Variants in RIOX2 observed in about 807,000 individuals in gnomAD.
RIOX2 encodes the protein ribosomal oxygenase 2.
In RIOX2, 43 loss-of-function variants were observed where a neutral mutation model predicts 51.2. That is an observed-to-expected ratio of 0.84 (90% CI 0.66 to 1.08). The LOEUF is 1.08. Among genes scored for constraint, RIOX2 ranks in the 50% least tolerant of loss-of-function variants. RIOX2 has a pLI of 0.00. For missense variants in RIOX2, 566 were observed against 561.7 expected, an observed-to-expected ratio of 1.01 and a Z score of -0.08; for synonymous variants, 226 against 218.5, an observed-to-expected ratio of 1.03 and a Z score of -0.30.
At chr3:97,964,557 A>G (rs1445064057) in intron 2 of RIOX2, among the ~76,000 whole-genome samples, 2 of 151,778 alleles carry the variant, frequency 1.3e-5, no homozygotes, top group Non-Finnish European at 2.9e-5. Flanking sequence ...TTAGCCGGGC[A>G]TAGTGGCATG....
rs368703623 is a variant in RIOX2, at chr3:97,964,191, C to T, written c.433-2483G>A. ...TCTCCACTGACCTACCCGTCAGAAT[C>T]AAAACTCAACGCCATGGCTAAAATA... is the stretch of plus-strand genomic sequence containing the variant. On this transcript the variant is annotated intron_variant, in intron 2 of 9. Coordinates refer to ENST00000394198, the MANE Select transcript of RIOX2 (RefSeq NM_153182.4). Among the ~76,000 whole-genome samples, 3 of 152,282 alleles carry T rather than the reference C, an allele frequency of 2.0e-5. No individual in the cohort carries two copies. In the East Asian group the frequency reaches 5.8e-4, roughly 29 times the overall value.
intron 3 of RIOX2, among the ~76,000 whole-genome samples, chr3:97,960,899 TTCAG>T (rs1421447190): frequency 1.3e-5 from 2 of 152,224 alleles, no homozygotes; most frequent in African/African-American, 2.4e-5. Flanking sequence ...TTATTCTTTA[TTCAG>T]TCAAAGATAT....
At position 97,942,151 on chromosome 3, in the gene RIOX2, A is replaced by G. The variant is rs1559751198; in HGVS notation, c.*3033T>C. 4.6e-6 allele frequency: 3 copies of G among 659,336 alleles called. No homozygotes were observed. The highest frequency in any genetic ancestry group is 6.8e-5 in the Admixed American group (2 of 29,420). 40.8% of individuals were successfully genotyped at this position (659,336 alleles called of 1,614,324 possible). On this transcript the variant is annotated 3_prime_UTR_variant, in exon 10 of 10. Transcript: ENST00000394198. ...AAAAAAGGCTTACTGAAATTATACT[A>G]TATAGTATTTTTTTAGATAAGACAC...
chr3:97,967,337 A>T lies in RIOX2; in HGVS notation c.257T>A (p.Leu86Gln), dbSNP rs775060728. The T allele has an allele frequency of 6.2e-7, 1 of 1,614,216 alleles. No individual in the cohort carries two copies. The highest frequency in any genetic ancestry group is 1.1e-5 in the South Asian group (1 of 91,078). Residue 86 changes from leucine (L) to glutamine (Q), a missense_variant, in exon 2 of 10, where the codon CTG becomes CAG. By Grantham distance (113) the Leu-to-Gln change is moderately radical. Coordinates refer to ENST00000394198, the MANE Select transcript of RIOX2 (RefSeq NM_153182.4). ...CATCCCCCGGCTGCACAGACTCTTC[A>T]GATCTGTTAGCTTGAACAGGGACCC... ...YYGSLFKLTD[L>Q]KSLCSRGMYY...
In RIOX2 at chr3:97,945,886, T is replaced by A. The variant is rs763295320; in HGVS notation, c.1151A>T (p.Asp384Val). Residue 384 changes from aspartate (D) to valine (V), a missense_variant and splice_region_variant, in exon 9 of 10, where the codon GAT (aspartate) becomes GTT (valine). Coordinates refer to ENST00000394198, the MANE Select transcript of RIOX2 (RefSeq NM_153182.4). Reference protein sequence around the residue: ...LTVLPDQDQSDEAQEKMVYIY... With the variant: ...LTVLPDQDQSVEAQEKMVYIY... ...GTACACCATCTTTTCTTGAGCTTCATCCTTTGGGGAAAAAATAAATGCATT... is the reference window on the plus strand; with the variant it reads ...GTACACCATCTTTTCTTGAGCTTCAACCTTTGGGGAAAAAATAAATGCATT... 1 of 1,598,622 alleles carries A rather than the reference T, an allele frequency of 6.3e-7. No individual in the cohort carries two copies. Among genetic ancestry groups the A allele is most frequent in the South Asian group, 1.1e-5 (1 of 90,674 alleles).
chr3:97,951,357 GTA>G (rs1559757621), intron 5 of RIOX2, among the ~76,000 whole-genome samples: 1 of 152,184 alleles, frequency 6.6e-6, no homozygotes, highest in Non-Finnish European at 1.5e-5. Context: ...TTGAACAGTT[GTA>G]TGTTACATTT....
At chr3:97,963,697 A>G (rs529543917) in intron 2 of RIOX2, among the ~76,000 whole-genome samples, 3 of 152,238 alleles carry the variant, frequency 2.0e-5, no homozygotes, top group Admixed American at 1.3e-4. Context: ...AGGTGATTTT[A>G]TGGTTCCCGA....
chr3:97,968,945 C>T (rs1186303162), intron 1 of RIOX2, among the ~76,000 whole-genome samples: 1 of 152,190 alleles, frequency 6.6e-6, no homozygotes, highest in Admixed American at 6.5e-5. Context: ...ATTTCAGCTA[C>T]ACTGTAGACT....
chr3:97,961,504 T>G, intron 3 of RIOX2, 85 bp downstream of exon 3: 1 of 1,426,430 alleles, frequency 7.0e-7, no homozygotes, highest in Non-Finnish European at 9.4e-7. Context: ...TAGAGAATAA[T>G]GTGAACTCAC....
rs774113637 is a variant in RIOX2 at position 97,945,193 on chromosome 3, T to C, written c.1389A>G (p.Gln463=). The C allele has an allele frequency of 1.2e-6, 2 of 1,609,254 alleles. No individual in the cohort carries two copies. Among genetic ancestry groups the C allele is most frequent in the East Asian group, 2.2e-5 (1 of 44,798 alleles). The part of the protein sequence containing the change: ...VLSLWTECLI[Q]VV The stretch of plus-strand genomic sequence containing the variant: ...TGATTCTGCAAAGGCACTAGACTAC[T>C]TGAATTAAACATTCTGTCCAGAGGG... The change falls in exon 10 of 10, where the codon CAA becomes CAG. Residue 463 remains glutamine, a synonymous_variant. Coordinates refer to ENST00000394198, the MANE Select transcript of RIOX2 (RefSeq NM_153182.4).
rs781607036 is a variant in RIOX2, at chr3:97,959,054, C to T, written c.678G>A (p.Leu226=). Reference sequence around the variant, plus strand: ...GCCCACAACGGTTATCACATACCTTCAGCATAAACTCATGCACCGGCCTGC... The same window carrying T: ...GCCCACAACGGTTATCACATACCTTTAGCATAAACTCATGCACCGGCCTGC... ...RIGRPVHEFM[L]KPGDLLYFPR... is the part of the protein sequence containing the mutation. Residue 226 remains leucine, a synonymous_variant, in exon 4 of 10, where the codon CTG becomes CTA. Transcript: ENST00000394198. 7.4e-6 allele frequency: 12 copies of T among 1,610,854 alleles called. No homozygotes were observed. In the East Asian group the frequency reaches 2.2e-4, roughly 30 times the overall value.
rs753943122 is a variant in RIOX2 at position 97,967,391 on chromosome 3, C to A, written c.203G>T (p.Arg68Ile). The A allele has an allele frequency of 6.2e-7, 1 of 1,614,190 alleles. No individual in the cohort carries two copies. Residue 68 changes from arginine to isoleucine, a missense_variant, in exon 2 of 10, where the codon AGA becomes ATA. Coordinates refer to ENST00000394198, the MANE Select transcript of RIOX2 (RefSeq NM_153182.4). Reference protein sequence around the residue: ...FWEQKPLLIQRDDPALATYYG... With the variant: ...FWEQKPLLIQIDDPALATYYG... The stretch of plus-strand genomic sequence containing the variant: ...GTATGTGGCCAGTGCAGGGTCATCT[C>A]TCTGAATGAGAAGGGGCTTCTGCTC...
intron 7 of RIOX2, 71 bp from the exon 8 acceptor site, chr3:97,947,520 T>TA: frequency 2.6e-6 from 3 of 1,132,534 alleles, no homozygotes; most frequent in Non-Finnish European, 1.3e-6. Context: ...TGCTTATACA[T>TA]ACACATAGGA....
In RIOX2 at chr3:97,943,130, C is replaced by T; in HGVS notation, c.*2054G>A. On this transcript the variant is annotated 3_prime_UTR_variant, in exon 10 of 10. Coordinates refer to ENST00000394198, the MANE Select transcript of RIOX2 (RefSeq NM_153182.4). ...TCTTTGTAAATGACACATTCATCCA[C>T]CGAAATGGTGAGCTGAACAGAAGCT... 3 of 683,984 alleles carry T rather than the reference C, an allele frequency of 4.4e-6. No homozygotes were observed. The highest frequency in any genetic ancestry group is 7.6e-6 in the Non-Finnish European group (3 of 394,462). The allele number at this position is 683,984 out of a possible 1,614,324, so 42.4% of individuals were successfully genotyped here.
chr3:97,953,592 A>G (rs1445193602), intron 5 of RIOX2, among the ~76,000 whole-genome samples: 1 of 152,132 alleles, frequency 6.6e-6, no homozygotes, highest in African/African-American at 2.4e-5. Flanking sequence ...CATGTTGGCC[A>G]GGCTGGTCTC....
At position 97,942,297 on chromosome 3, in the gene RIOX2, G is replaced by A. The variant is rs771146843; in HGVS notation, c.*2887C>T. 2.5e-6 allele frequency: 4 copies of A among 1,610,188 alleles called. 1 individual carries two copies. In the South Asian group the frequency reaches 3.3e-5, roughly 13 times the overall value. ...TAACCCTTTTAGGCCAGTGATACAT[G>A]TCTTGATGTGATTGGTGGCCGGGAC... On this transcript the variant is annotated 3_prime_UTR_variant, in exon 10 of 10. Transcript: ENST00000394198.
At chr3:97,946,396 T>C (rs2040358331) in intron 8 of RIOX2, among the ~76,000 whole-genome samples, 1 of 151,908 alleles carries the variant, frequency 6.6e-6, no homozygotes. Flanking sequence ...AAATGGTCCC[T>C]ATCTCCCTTC....
chr3:97,963,350 A>C (rs1201546900), intron 2 of RIOX2, among the ~76,000 whole-genome samples: 1 of 152,034 alleles, frequency 6.6e-6, no homozygotes, highest in Non-Finnish European at 1.5e-5. Context: ...CTGTTGTCAA[A>C]CTCTTGGATT....
At position 97,967,314 on chromosome 3, in the gene RIOX2, T is replaced by C. The variant is rs768002152; in HGVS notation, c.280A>G (p.Met94Val). The change falls in exon 2 of 10, where the codon ATG becomes GTG. Residue 94 changes from methionine to valine, a missense_variant. Transcript: ENST00000394198. ...ACATTCACATCTCTTCCATAGTACA[T>C]CCCCCGGCTGCACAGACTCTTCAGA... ...TDLKSLCSRG[M>V]YYGRDVNVCR... is the part of the protein sequence containing the mutation. 1 of 1,614,132 alleles carries C rather than the reference T, an allele frequency of 6.2e-7. No homozygotes were observed. Among genetic ancestry groups the C allele is most frequent in the African/African-American group, 1.3e-5 (1 of 75,028 alleles).
Sources: allele counts gnomAD v4.1 joint callset (sites outside exome capture counted in the v4.1 genomes callset), GRCh38; gene constraint gnomAD v4.1.1; transcripts MANE v1.5; gene names NCBI Gene and HGNC (gene_info 2026-07-23, HGNC 2026-07-21).